Variants in PLCD4 observed in about 807,000 individuals in gnomAD.
The protein encoded by PLCD4 is phospholipase C delta 4.
A neutral mutation model predicts 90.2 loss-of-function variants in PLCD4; 63 were observed. That is an observed-to-expected ratio of 0.70 (90% CI 0.57 to 0.86). The LOEUF is 0.86. PLCD4 is among the 40% of genes least tolerant of loss of function. The probability of loss-of-function intolerance (pLI) is 0.00; values close to 1 mark genes in which losing one functional copy is unlikely to be tolerated. For synonymous variants in PLCD4, 294 were observed against 356.5 expected, an observed-to-expected ratio of 0.82 and a Z score of 1.97; for missense variants, 830 against 956.3, an observed-to-expected ratio of 0.87 and a Z score of 1.74.
intron 6 of PLCD4, among the ~76,000 whole-genome samples, chr2:218,625,655 C>T (rs926303866): frequency 1.3e-5 from 2 of 152,184 alleles, no homozygotes; most frequent in Non-Finnish European, 2.9e-5. Context: ...ACTTTCTGGC[C>T]GGGCACAATG....
intron 4 of PLCD4, 119 bp downstream of exon 4, chr2:218,618,926 A>G: frequency 1.1e-6 from 1 of 918,018 alleles, no homozygotes; most frequent in Non-Finnish European, 1.7e-6. Flanking sequence ...CCAAGGGTCC[A>G]GATGGTATGG....
intron 9 of PLCD4, among the ~76,000 whole-genome samples, chr2:218,631,159 C>G (rs534306529): frequency 6.6e-6 from 1 of 151,982 alleles, no homozygotes; most frequent in East Asian, 1.9e-4. Context: ...AAGCAGCTAT[C>G]GATAGATTTT....
Position 218,636,278 on chromosome 2 carries a change from CG to C in PLCD4, c.2071del (p.Val691CysfsTer13). On this transcript the variant is annotated frameshift_variant, in exon 15 of 16. Coordinates refer to ENST00000450993, the MANE Select transcript of PLCD4 (RefSeq NM_032726.4). LOFTEE classifies it high-confidence loss of function. ...NPYWGQTLCF[R>X]VLVPELAMLR... ...ATACTGGGGGCAGACACTATGTTTC[CG>C]GGTGCTGGTGCCTGAACTTGCCATG... 6.2e-7 allele frequency: 1 copy of C among 1,614,036 alleles called. No individual in the cohort carries two copies. Among genetic ancestry groups the C allele is most frequent in the Non-Finnish European group, 8.5e-7 (1 of 1,179,892 alleles).
chr2:218,622,975 G>A (rs540389085), intron 6 of PLCD4, 97 bp downstream of exon 6: 461 of 1,096,254 alleles, frequency 4.2e-4, no homozygotes, highest in Non-Finnish European at 5.7e-4. Context: ...CCTGAGAGAA[G>A]GTTGAGTCTA....
At chr2:218,614,163 G>A (rs1403866198) in intron 1 of PLCD4, among the ~76,000 whole-genome samples, 1 of 151,836 alleles carries the variant, frequency 6.6e-6, no homozygotes, top group Admixed American at 6.6e-5. Flanking sequence ...GGGATTACAG[G>A]TGCACACAAC....
At chr2:218,618,829 G>T (rs780064445) in intron 4 of PLCD4, 22 bp downstream of exon 4, 1 of 1,559,392 alleles carries the variant, frequency 6.4e-7, no homozygotes, top group Non-Finnish European at 8.7e-7. Context: ...ATGGAGTCAG[G>T]GTGGGGGTGA....
chr2:218,615,091 G>A (rs534229605), intron 1 of PLCD4, among the ~76,000 whole-genome samples: 89 of 152,090 alleles, frequency 5.9e-4, no homozygotes, highest in African/African-American at 2.0e-3. Flanking sequence ...AGCCGGGTGT[G>A]GTGGCACATG....
At chr2:218,618,459 C>A (rs1695720271) in intron 3 of PLCD4, 120 bp from the exon 4 acceptor site, 2 of 817,368 alleles carry the variant, frequency 2.4e-6, no homozygotes, top group Non-Finnish European at 3.9e-6. Flanking sequence ...ATTCAGCCTG[C>A]AGAGGCTGGG....
In PLCD4 at chr2:218,636,325, TTA is replaced by T; in HGVS notation, c.2117_2118del (p.Tyr706Ter). Reference sequence around the variant, plus strand: ...CCATGCTGCGTTTTGTGGTAATGGATTATGACTGGAAATCCCGAAATGACTTT... The same window carrying T: ...CCATGCTGCGTTTTGTGGTAATGGATTGACTGGAAATCCCGAAATGACTTT... ...LAMLRFVVMD[Y>X]DWKSRNDFIG... On this transcript the variant is annotated frameshift_variant, in exon 15 of 16. Coordinates refer to ENST00000450993, the MANE Select transcript of PLCD4 (RefSeq NM_032726.4). LOFTEE classifies it high-confidence loss of function. 6.2e-7 allele frequency: 1 copy of T among 1,614,044 alleles called. No homozygotes were observed. Among genetic ancestry groups the T allele is most frequent in the African/African-American group, 1.3e-5 (1 of 75,062 alleles).
chr2:218,608,924 G>A (rs2106110719), intron 1 of PLCD4, among the ~76,000 whole-genome samples: 1 of 152,018 alleles, frequency 6.6e-6, no homozygotes, highest in South Asian at 2.1e-4. Flanking sequence ...GGATCACGAG[G>A]TCAGGAGATT....
chr2:218,610,600 A>G (rs1291226114), intron 1 of PLCD4, among the ~76,000 whole-genome samples: 1 of 152,188 alleles, frequency 6.6e-6, no homozygotes, highest in East Asian at 1.9e-4. Flanking sequence ...GATGGAGAGG[A>G]GAGACAAAAT....
chr2:218,628,252 G>C (rs764706684), intron 7 of PLCD4, 22 bp downstream of exon 7: 7 of 1,606,350 alleles, frequency 4.4e-6, no homozygotes, highest in Non-Finnish European at 6.0e-6. Context: ...GTAGAGAAGG[G>C]GTCCAACTCA....
intron 8 of PLCD4, 105 bp downstream of exon 8, chr2:218,629,768 A>G: frequency 7.8e-7 from 1 of 1,274,272 alleles, no homozygotes; most frequent in South Asian, 1.5e-5. Context: ...AAGTTCCATC[A>G]AAAGAGGATT....
chr2:218,626,873 T>G (rs532046043), intron 6 of PLCD4, among the ~76,000 whole-genome samples: 1 of 152,318 alleles, frequency 6.6e-6, no homozygotes, highest in East Asian at 1.9e-4. Flanking sequence ...TTTGATTCTC[T>G]CTGGGCCTCA....
At chr2:218,636,155 A>C in intron 14 of PLCD4, 88 bp from the exon 15 acceptor site, 1 of 1,452,136 alleles carries the variant, frequency 6.9e-7, no homozygotes, top group South Asian at 1.2e-5. Flanking sequence ...GCTGATTGCC[A>C]TCTAGATTAA....
chr2:218,620,449 C>T (rs552112333), intron 4 of PLCD4, among the ~76,000 whole-genome samples: 1 of 151,376 alleles, frequency 6.6e-6, no homozygotes, highest in South Asian at 2.1e-4. Context: ...TGCAGGGAGC[C>T]GAGATGGTGC....
rs376184742 is a variant in PLCD4 at position 218,630,811 on chromosome 2, A to G, written c.1272+9A>G. 7.5e-6 allele frequency: 12 copies of G among 1,606,458 alleles called. No homozygotes were observed. The highest frequency in any genetic ancestry group is 1.0e-5 in the Non-Finnish European group (12 of 1,175,468). The stretch of plus-strand genomic sequence containing the variant: ...AGCTGCCCTCGCCTGAGGTAGGGAC[A>G]CTGTTCCTCCAGCCCAGGCTCTGCT... On this transcript the variant is annotated intron_variant, in intron 9 of 15. Transcript: ENST00000450993.
At chr2:218,631,602 C>T (rs1456659105) in intron 9 of PLCD4, among the ~76,000 whole-genome samples, 1 of 152,004 alleles carries the variant, frequency 6.6e-6, no homozygotes, top group African/African-American at 2.4e-5. Context: ...CAAGACTAGC[C>T]TGGCCAACAT....
intron 9 of PLCD4, 93 bp downstream of exon 9, chr2:218,630,895 T>C: frequency 7.3e-7 from 1 of 1,366,122 alleles, no homozygotes; most frequent in African/African-American, 1.5e-5. Flanking sequence ...TGTTCCCTTC[T>C]TTCTATCCTC....
Sources: gnomAD v4.1 joint callset for allele counts (sites outside exome capture counted in the v4.1 genomes callset) on GRCh38, gnomAD v4.1.1 for gene constraint, MANE v1.5 for transcripts, NCBI Gene and HGNC (gene_info 2026-07-23, HGNC 2026-07-21) for gene names.